The following ITGA8 variants were observed in gnomAD, a reference collection of about 807,000 sequenced individuals.
ITGA8 encodes integrin alpha-8.
In ITGA8, 91 loss-of-function variants were observed where a neutral mutation model predicts 142.3. That is an observed-to-expected ratio of 0.64 (90% CI 0.54 to 0.76). The LOEUF (loss-of-function observed/expected upper bound fraction) is 0.76. Among genes scored for constraint, ITGA8 ranks in the 30% least tolerant of loss-of-function variants. The pLI is 0.00. For synonymous variants in ITGA8, 505 were observed against 485.2 expected (o/e 1.04, Z -0.54); for missense variants, 1,406 against 1,327.7 (o/e 1.06, Z -0.92).
In ITGA8 at chr10:15,674,936, C is replaced by T. The variant is rs1028948796; in HGVS notation, c.677-2187G>A. Among the ~76,000 whole-genome samples the T allele has an allele frequency of 5.6e-5, 3 of 53,368 alleles. No homozygotes were observed. In the Admixed American group the frequency reaches 7.9e-4, roughly 14 times the overall value. The allele number at this position is 53,368 out of a possible 152,430, so 35.0% of individuals were successfully genotyped here. A position where few individuals can be genotyped will look rare whatever the true frequency, so the allele number is the denominator to read the frequency against. On this transcript the variant is annotated intron_variant, in intron 6 of 29. Transcript: ENST00000378076. ...ACCTGGGCAACAAAATGAGACTCGT[C>T]TCAAAAAAAAAAAAATCATAAATCT...
intron 6 of ITGA8, among the ~76,000 whole-genome samples, chr10:15,675,025 C>T (rs928524760): frequency 6.6e-6 from 1 of 151,648 alleles, no homozygotes; most frequent in South Asian, 2.1e-4. Flanking sequence ...TAAAAAAATT[C>T]CTCCCTCAAC....
chr10:15,648,463 GTATA>G (rs1564391159), intron 11 of ITGA8, among the ~76,000 whole-genome samples: 1 of 149,306 alleles, frequency 6.7e-6, no homozygotes, highest in East Asian at 1.9e-4. Flanking sequence ...TATAAATTGA[GTATA>G]TTATAAATAT....
At chr10:15,683,285 C>A (rs1477933424) in intron 4 of ITGA8, among the ~76,000 whole-genome samples, 3 of 106,236 alleles carry the variant, frequency 2.8e-5, no homozygotes, top group African/African-American at 6.7e-5. Context: ...ATCCATCCAT[C>A]CATCCATCCA....
At chr10:15,603,322 G>T (rs928802191) in intron 20 of ITGA8, among the ~76,000 whole-genome samples, 10 of 152,100 alleles carry the variant, frequency 6.6e-5, no homozygotes, top group African/African-American at 2.2e-4. Flanking sequence ...AATGGACAAG[G>T]TCCTCAGGGG....
At chr10:15,594,682 T>G (rs1046408900) in intron 21 of ITGA8, among the ~76,000 whole-genome samples, 6 of 152,046 alleles carry the variant, frequency 3.9e-5, no homozygotes, top group Admixed American at 1.3e-4. Flanking sequence ...CTCCGGAGGC[T>G]GAGGCAGGAG....
chr10:15,571,411 C>T (rs901240295), intron 25 of ITGA8, among the ~76,000 whole-genome samples: 4 of 152,228 alleles, frequency 2.6e-5, no homozygotes, highest in African/African-American at 9.6e-5. Flanking sequence ...AGGACAATAT[C>T]TGACTACAAG....
Position 15,531,096 on chromosome 10 carries a change from A to T in ITGA8, c.2936T>A (p.Met979Lys). The change falls in exon 28 of 30, where the codon ATG becomes AAG. Residue 979 changes from methionine (M) to lysine (K), a missense_variant. Physicochemically the swap from Met to Lys is moderately conservative, Grantham distance 95 (BLOSUM62 -1). Coordinates refer to ENST00000378076, the MANE Select transcript of ITGA8 (RefSeq NM_003638.3). ...TTTTGCTGGCTGATCTGTATAAGGC[A>T]TCTTCTTAACTTCAAAGGACACCAG... ...ASLVSFEVKK[M>K]PYTDQPAKLP... 1 of 1,583,724 alleles carries T rather than the reference A, an allele frequency of 6.3e-7. No homozygotes were observed. The highest frequency in any genetic ancestry group is 8.6e-7 in the Non-Finnish European group (1 of 1,168,708).
At chr10:15,632,454 T>C (rs889178239) in intron 13 of ITGA8, among the ~76,000 whole-genome samples, 2 of 152,212 alleles carry the variant, frequency 1.3e-5, no homozygotes, top group Non-Finnish European at 2.9e-5. Context: ...TTTTGGTCTT[T>C]TCATAAATGC....
At chr10:15,711,784 A>G (rs1835368853) in intron 2 of ITGA8, among the ~76,000 whole-genome samples, 2 of 152,354 alleles carry the variant, frequency 1.3e-5, no homozygotes, top group African/African-American at 4.8e-5. Context: ...AAAAAAAGAA[A>G]GAAAGGGTAA....
At chr10:15,643,088 C>A (rs1167770461) in intron 13 of ITGA8, among the ~76,000 whole-genome samples, 3 of 152,170 alleles carry the variant, frequency 2.0e-5, no homozygotes, top group Non-Finnish European at 2.9e-5. Context: ...GTGAAATAAT[C>A]TTTTAAGACA....
At chr10:15,521,066 T>C (rs1024749831) in intron 28 of ITGA8, among the ~76,000 whole-genome samples, 2 of 152,252 alleles carry the variant, frequency 1.3e-5, no homozygotes, top group Non-Finnish European at 1.5e-5. Flanking sequence ...TTGCCCAGGC[T>C]AGAGTGCAAT....
At position 15,650,600 on chromosome 10, in the gene ITGA8, C is replaced by G. The variant is rs186318480; in HGVS notation, c.1002-3549G>C. Among the ~76,000 whole-genome samples, 405 of 152,236 alleles carry G rather than the reference C, an allele frequency of 2.7e-3. 3 individuals are homozygous for G. Among genetic ancestry groups the G allele is most frequent in the African/African-American group, 8.8e-3 (365 of 41,532 alleles). On this transcript the variant is annotated intron_variant, in intron 11 of 29. Coordinates refer to ENST00000378076, the MANE Select transcript of ITGA8 (RefSeq NM_003638.3). ...GGCCCCTTGACCTTGGACTTCCAGC[C>G]TCCAGAAGTATAAGAAATAAATTTC...
intron 24 of ITGA8, among the ~76,000 whole-genome samples, chr10:15,573,331 G>GTC (rs943612734): frequency 1.3e-5 from 2 of 152,104 alleles, no homozygotes; most frequent in African/African-American, 4.8e-5. Context: ...GAATGATTGG[G>GTC]TCTGAATATA....
chr10:15,660,917 C>G lies in ITGA8; in HGVS notation c.853G>C (p.Val285Leu). 6.2e-7 allele frequency: 1 copy of G among 1,613,564 alleles called. No homozygotes were observed. Among genetic ancestry groups the G allele is most frequent in the Non-Finnish European group, 8.5e-7 (1 of 1,179,638 alleles). ...TGTGCTCCTCTTGGAATTCCAGCAA[C>G]CAATTCTGGGGATGAAAATAGCCAT... ...EFTGDSQQEL[V>L]AGIPRGAQNF... Residue 285 changes from valine to leucine, a missense_variant, in exon 9 of 30, where the codon GTT becomes CTT. By Grantham distance (32) the Val-to-Leu change is conservative. Coordinates refer to ENST00000378076, the MANE Select transcript of ITGA8 (RefSeq NM_003638.3).
chr10:15,535,675 C>G (rs998123955), intron 27 of ITGA8, among the ~76,000 whole-genome samples: 6 of 152,112 alleles, frequency 3.9e-5, no homozygotes, highest in Non-Finnish European at 7.3e-5. Context: ...CAATCAGCAC[C>G]CTGTCAAAAC....
At position 15,516,315 on chromosome 10, in the gene ITGA8, A is replaced by G; in HGVS notation, c.*843T>C. ...TGCAAAGCTAAATTAAGCAGATGTGAGTCCCTGGATAATGTGAGTGAAAGG... is the reference window on the plus strand; with the variant it reads ...TGCAAAGCTAAATTAAGCAGATGTGGGTCCCTGGATAATGTGAGTGAAAGG... On this transcript the variant is annotated 3_prime_UTR_variant, in exon 30 of 30. Coordinates refer to ENST00000378076, the MANE Select transcript of ITGA8 (RefSeq NM_003638.3). The G allele has an allele frequency of 6.6e-6, 1 of 152,246 alleles. No individual in the cohort carries two copies. Among genetic ancestry groups the G allele is most frequent in the East Asian group, 1.9e-4 (1 of 5,200 alleles). 9.4% of individuals were successfully genotyped at this position (152,246 alleles called of 1,614,324 possible).
chr10:15,608,737 G>A (rs1833242910), intron 15 of ITGA8, among the ~76,000 whole-genome samples: 1 of 152,126 alleles, frequency 6.6e-6, no homozygotes, highest in Admixed American at 6.5e-5. Context: ...GAGCAAGATG[G>A]CAAAGTTGTA....
At chr10:15,712,289 C>G (rs1386555059) in intron 2 of ITGA8, among the ~76,000 whole-genome samples, 2 of 152,216 alleles carry the variant, frequency 1.3e-5, no homozygotes, top group East Asian at 3.9e-4. Context: ...GCTCAAAAAT[C>G]CATGTTCAAT....
At chr10:15,684,736 G>A (rs903355701) in intron 3 of ITGA8, among the ~76,000 whole-genome samples, 6 of 151,868 alleles carry the variant, frequency 4.0e-5, no homozygotes, top group Admixed American at 2.6e-4. Flanking sequence ...TCCTAAAAGC[G>A]AATAACTCAT....
Sources: gnomAD v4.1 joint callset for allele counts (sites outside exome capture counted in the v4.1 genomes callset) on GRCh38, gnomAD v4.1.1 for gene constraint, MANE v1.5 for transcripts, NCBI Gene and HGNC (gene_info 2026-07-23, HGNC 2026-07-21) for gene names.